GALNTL6: variants seen among roughly 807,000 people sequenced by gnomAD.
GALNTL6 encodes the protein polypeptide N-acetylgalactosaminyltransferase like 6.
Under a neutral mutation model 73.7 loss-of-function variants are expected in GALNTL6, and 46 were observed. That is an observed-to-expected ratio of 0.62 (90% CI 0.49 to 0.80). The LOEUF is 0.80. Ranked by LOEUF, GALNTL6 falls within the 30% of genes least tolerant of loss-of-function variation. The probability of loss-of-function intolerance (pLI) is 0.00; values close to 1 mark genes in which losing one functional copy is unlikely to be tolerated. For synonymous variants in GALNTL6, 259 were observed against 263.7 expected, an observed-to-expected ratio of 0.98 and a Z score of 0.17; for missense variants, 604 against 755.0, an observed-to-expected ratio of 0.80 and a Z score of 2.34.
rs77087603 is a variant in GALNTL6, at chr4:171,837,288, G to C, written c.138+22570G>C. Among the ~76,000 whole-genome samples, 536 of 152,130 alleles carry C rather than the reference G, an allele frequency of 3.5e-3. 2 individuals carry two copies. Among genetic ancestry groups the C allele is most frequent in the African/African-American group, 0.012 (510 of 41,532 alleles). On this transcript the variant is annotated intron_variant, in intron 2 of 12. Transcript: ENST00000506823. ...ATCAGGAAAATCAGGAAAAATCTAG[G>C]ACGTAATCCATACTGAAAGAAGCTA...
intron 2 of GALNTL6, among the ~76,000 whole-genome samples, chr4:171,861,593 G>A (rs78801920): frequency 6.6e-6 from 1 of 151,860 alleles, no homozygotes; most frequent in South Asian, 2.1e-4. Context: ...TAAGACCCAG[G>A]AAAACTTACC....
intron 3 of GALNTL6, among the ~76,000 whole-genome samples, chr4:172,230,689 G>A (rs1272898333): frequency 6.6e-6 from 1 of 152,138 alleles, no homozygotes; most frequent in Non-Finnish European, 1.5e-5. Context: ...GAAATCCAGT[G>A]AAAGTGAGTA....
intron 5 of GALNTL6, among the ~76,000 whole-genome samples, chr4:172,539,906 TAAAA>T (rs1310114498): frequency 9.1e-6 from 1 of 109,640 alleles, no homozygotes; most frequent in African/African-American, 4.2e-5. Context: ...TATATATATA[TAAAA>T]AATCTCATTT....
intron 2 of GALNTL6, among the ~76,000 whole-genome samples, chr4:172,224,200 A>G (rs1009343080): frequency 6.6e-6 from 1 of 152,194 alleles, no homozygotes; most frequent in Non-Finnish European, 1.5e-5. Context: ...TATCATATAT[A>G]AGATTTACTA....
intron 5 of GALNTL6, among the ~76,000 whole-genome samples, chr4:172,762,280 G>T (rs942833827): frequency 2.6e-5 from 4 of 152,172 alleles, no homozygotes; most frequent in Non-Finnish European, 5.9e-5. Context: ...GGGGCTGACA[G>T]ATTCAAATAT....
chr4:172,988,819 C>G (rs1751411760), intron 10 of GALNTL6, among the ~76,000 whole-genome samples: 1 of 152,246 alleles, frequency 6.6e-6, no homozygotes, highest in Non-Finnish European at 1.5e-5. Flanking sequence ...AAGCCCTAAG[C>G]CTTGGCAGCT....
At chr4:172,444,894 T>C (rs1731966478) in intron 5 of GALNTL6, among the ~76,000 whole-genome samples, 1 of 152,160 alleles carries the variant, frequency 6.6e-6, no homozygotes. Flanking sequence ...TCCACCTTCC[T>C]AACCTTCATC....
At chr4:172,232,004 GA>G (rs1172836327) in intron 3 of GALNTL6, among the ~76,000 whole-genome samples, 2 of 151,956 alleles carry the variant, frequency 1.3e-5, no homozygotes, top group Non-Finnish European at 2.9e-5. Flanking sequence ...TTACATGGTA[GA>G]ATTTTTTTTA....
intron 5 of GALNTL6, among the ~76,000 whole-genome samples, chr4:172,488,635 T>C (rs1444060841): frequency 1.3e-5 from 2 of 152,144 alleles, no homozygotes; most frequent in African/African-American, 4.8e-5. Context: ...TAAAGCTAAA[T>C]AGTATCACTT....
chr4:172,293,800 C>T (rs1739558361), intron 3 of GALNTL6, among the ~76,000 whole-genome samples: 2 of 151,422 alleles, frequency 1.3e-5, no homozygotes, highest in Admixed American at 1.3e-4. Context: ...CAAGAATGCA[C>T]ATAGTAATCA....
chr4:172,320,063 T>C (rs1036461749), intron 4 of GALNTL6, among the ~76,000 whole-genome samples: 7 of 152,142 alleles, frequency 4.6e-5, no homozygotes, highest in Non-Finnish European at 8.8e-5. Flanking sequence ...TCAATATCTC[T>C]CATCCTGCTC....
At chr4:172,443,494 G>A (rs1164664811) in intron 5 of GALNTL6, among the ~76,000 whole-genome samples, 2 of 151,836 alleles carry the variant, frequency 1.3e-5, no homozygotes, top group African/African-American at 4.8e-5. Context: ...CAATTAAGTA[G>A]CTAAACTTAT....
At position 172,229,677 on chromosome 4, in the gene GALNTL6, G is replaced by A; in HGVS notation, c.160G>A (p.Asp54Asn). ...EQQTFPLGLG[D>N]GQFYSWTDGL... is the part of the protein sequence containing the mutation. ...ACAGACATTTCCACTGGGCCTGGGAGATGGGCAATTCTATTCATGGACAGA... is the reference window on the plus strand; with the variant it reads ...ACAGACATTTCCACTGGGCCTGGGAAATGGGCAATTCTATTCATGGACAGA... The change falls in exon 3 of 13, where the codon GAT (aspartate) becomes AAT (asparagine). Residue 54 changes from aspartate (D) to asparagine (N), a missense_variant. By Grantham distance (23) the Asp-to-Asn change is conservative. Transcript: ENST00000506823. 1 of 1,613,164 alleles carries A rather than the reference G, an allele frequency of 6.2e-7. No individual in the cohort carries two copies. Among genetic ancestry groups the A allele is most frequent in the Non-Finnish European group, 8.5e-7 (1 of 1,179,160 alleles).
At chr4:172,103,416 T>G (rs897235925) in intron 2 of GALNTL6, among the ~76,000 whole-genome samples, 17 of 152,220 alleles carry the variant, frequency 1.1e-4, no homozygotes, top group African/African-American at 3.6e-4. Flanking sequence ...AGGTTTACTA[T>G]GTTTAATGTT....
chr4:172,889,855 G>GT (rs1745933009), intron 8 of GALNTL6, among the ~76,000 whole-genome samples: 1 of 152,112 alleles, frequency 6.6e-6, no homozygotes, highest in African/African-American at 2.4e-5. Context: ...TGTATGGTTG[G>GT]TAAAATTTGG....
intron 2 of GALNTL6, among the ~76,000 whole-genome samples, chr4:171,863,601 TA>T (rs1735895321): frequency 6.6e-6 from 1 of 152,144 alleles, no homozygotes; most frequent in African/African-American, 2.4e-5. Flanking sequence ...ATAGTTGTTC[TA>T]AAGTTTCTGT....
intron 8 of GALNTL6, among the ~76,000 whole-genome samples, chr4:172,893,677 G>T (rs1043563700): frequency 6.6e-6 from 1 of 152,230 alleles, no homozygotes; most frequent in Non-Finnish European, 1.5e-5. Flanking sequence ...CTCTCTCCCA[G>T]CCTGGCAGAA....
intron 5 of GALNTL6, among the ~76,000 whole-genome samples, chr4:172,803,173 T>A (rs1740753724): frequency 6.6e-6 from 1 of 152,168 alleles, no homozygotes; most frequent in South Asian, 2.1e-4. Flanking sequence ...CTGAGAACAG[T>A]TATACCTAAA....
intron 5 of GALNTL6, among the ~76,000 whole-genome samples, chr4:172,797,614 T>G (rs1740353523): frequency 6.6e-6 from 1 of 151,954 alleles, no homozygotes; most frequent in South Asian, 2.1e-4. Context: ...CGACCTCAGC[T>G]CACTGCAACC....
Sources: allele counts gnomAD v4.1 joint callset (sites outside exome capture counted in the v4.1 genomes callset), GRCh38; gene constraint gnomAD v4.1.1; transcripts MANE v1.5; gene names NCBI Gene and HGNC (gene_info 2026-07-23, HGNC 2026-07-21).